AGMO: variants seen among roughly 807,000 people sequenced by gnomAD.
AGMO encodes glyceryl-ether monooxygenase.
A neutral mutation model predicts 60.2 loss-of-function variants in AGMO; 75 were observed. The ratio of observed to expected loss-of-function variants is 1.25; its 90% CI spans 1.03 to 1.51. The LOEUF (loss-of-function observed/expected upper bound fraction) is 1.51, where lower values mean the gene tolerates loss of function less well. Ranked by LOEUF, AGMO falls within the 40% of genes most tolerant of loss-of-function variation. The pLI is 0.00. For missense variants in AGMO, 763 were observed against 525.5 expected (o/e 1.45, Z -4.42); for synonymous variants, 261 against 177.1 (o/e 1.47, Z -3.76).
At chr7:15,527,076 T>TA (rs1784147556) in intron 3 of AGMO, among the ~76,000 whole-genome samples, 1 of 152,102 alleles carries the variant, frequency 6.6e-6, no homozygotes, top group Non-Finnish European at 1.5e-5. Context: ...TTAAGCCAAT[T>TA]AATAACCCTA....
At chr7:15,377,230 G>C (rs935935413) in intron 10 of AGMO, among the ~76,000 whole-genome samples, 1 of 152,056 alleles carries the variant, frequency 6.6e-6, no homozygotes, top group Non-Finnish European at 1.5e-5. Context: ...CATGTTCTCA[G>C]CAAAGAAAAA....
chr7:15,386,535 G>A (rs1031898448), intron 9 of AGMO, among the ~76,000 whole-genome samples: 1 of 152,186 alleles, frequency 6.6e-6, no homozygotes, highest in Non-Finnish European at 1.5e-5. Flanking sequence ...ACAATGAATT[G>A]TGAACATAAA....
At chr7:15,213,844 C>T (rs190759265) in intron 12 of AGMO, among the ~76,000 whole-genome samples, 1 of 152,020 alleles carries the variant, frequency 6.6e-6, no homozygotes, top group African/African-American at 2.4e-5. Context: ...GAAAATTTTG[C>T]AAAGGCAAGT....
intron 3 of AGMO, among the ~76,000 whole-genome samples, chr7:15,451,639 A>G (rs759106721): frequency 6.6e-6 from 1 of 152,154 alleles, no homozygotes; most frequent in South Asian, 2.1e-4. Context: ...TATCCTACAC[A>G]AAAATTAACT....
intron 3 of AGMO, among the ~76,000 whole-genome samples, chr7:15,466,802 A>G (rs1782304658): frequency 6.6e-6 from 1 of 152,152 alleles, no homozygotes; most frequent in Admixed American, 6.6e-5. Flanking sequence ...GCATTGGATA[A>G]ATAAAGGATA....
rs904364065 is a variant in AGMO at position 15,220,208 on chromosome 7, C to CTT, written c.1264-18851_1264-18850dup. 8.0e-3 allele frequency among the ~76,000 whole-genome samples: 879 copies of CTT among 109,474 alleles called. 37 individuals are homozygous for CTT. The highest frequency in any genetic ancestry group is 0.028 in the African/African-American group (667 of 23,996). The allele number at this position is 109,474 out of a possible 152,430, so 71.8% of individuals were successfully genotyped here. ...ATCTTATGTGTCCACCTGACTGTGC[C>CTT]TTTTTTTTTTTTTTTTTTTTTTTCC... On this transcript the variant is annotated intron_variant, in intron 12 of 12. Coordinates refer to ENST00000342526, the MANE Select transcript of AGMO (RefSeq NM_001004320.2).
chr7:15,516,635 T>C (rs1783813982), intron 3 of AGMO, among the ~76,000 whole-genome samples: 1 of 152,232 alleles, frequency 6.6e-6, no homozygotes, highest in Non-Finnish European at 1.5e-5. Context: ...AATTGTAACC[T>C]TATACATCTG....
At chr7:15,326,732 G>A (rs1781349079) in intron 12 of AGMO, among the ~76,000 whole-genome samples, 1 of 152,092 alleles carries the variant, frequency 6.6e-6, no homozygotes, top group Non-Finnish European at 1.5e-5. Context: ...AAATACAAAT[G>A]GCTAACTTGG....
chr7:15,261,357 A>C (rs1435434713), intron 12 of AGMO, among the ~76,000 whole-genome samples: 1 of 152,080 alleles, frequency 6.6e-6, no homozygotes, highest in Non-Finnish European at 1.5e-5. Flanking sequence ...AAGATTATTC[A>C]ATGCTACTAT....
rs1563104895 is a variant in AGMO at position 15,354,344 on chromosome 7, GCGTGTATATAGA to G, written c.1263+11158_1263+11169del. On this transcript the variant is annotated intron_variant, in intron 12 of 12. Coordinates refer to ENST00000342526, the MANE Select transcript of AGMO (RefSeq NM_001004320.2). ...TATATACGTACGCGTGTATATACACGCGTGTATATAGACGTGTGTATATAGACGTGTGTATAC... is the reference window on the plus strand; with the variant it reads ...TATATACGTACGCGTGTATATACACGCGTGTGTATATAGACGTGTGTATAC... 7.8e-3 allele frequency among the ~76,000 whole-genome samples: 633 copies of G among 80,682 alleles called. 130 individuals carry two copies. The highest frequency in any genetic ancestry group is 0.037 in the African/African-American group (591 of 15,776). 52.9% of individuals were successfully genotyped at this position (80,682 alleles called of 152,430 possible).
chr7:15,386,205 G>C (rs1300355673), intron 9 of AGMO, among the ~76,000 whole-genome samples: 2 of 151,968 alleles, frequency 1.3e-5, no homozygotes, highest in Non-Finnish European at 2.9e-5. Context: ...AAAAAAAGGT[G>C]ATCTTGGCAG....
intron 3 of AGMO, among the ~76,000 whole-genome samples, chr7:15,473,524 A>T (rs988780544): frequency 1.3e-5 from 2 of 152,040 alleles, no homozygotes; most frequent in East Asian, 1.9e-4. Context: ...ACTTCATGCA[A>T]AAACTCTCAA....
chr7:15,231,665 AC>A (rs1782263375), intron 12 of AGMO, among the ~76,000 whole-genome samples: 1 of 152,200 alleles, frequency 6.6e-6, no homozygotes, highest in Non-Finnish European at 1.5e-5. Context: ...AGCTAGTCAG[AC>A]CTGGGTTAAG....
At position 15,401,997 on chromosome 7, in the gene AGMO, TG is replaced by T. The variant is rs143083768; in HGVS notation, c.610-7819del. ...TGTTCCAGCGGAGCCCAGACCACTG[TG>T]GGTCTCCTTATTCACTGCCACCAGT... On this transcript the variant is annotated intron_variant, in intron 5 of 12. Coordinates refer to ENST00000342526, the MANE Select transcript of AGMO (RefSeq NM_001004320.2). 5.5e-3 allele frequency among the ~76,000 whole-genome samples: 837 copies of T among 152,182 alleles called. 7 individuals carry two copies. The highest frequency in any genetic ancestry group is 0.019 in the African/African-American group (790 of 41,548).
chr7:15,125,437 G>A, the AGMO span, among the ~76,000 whole-genome samples: 1 of 152,064 alleles, frequency 6.6e-6, no homozygotes, highest in South Asian at 2.1e-4. Flanking sequence ...AGATGTGACT[G>A]ATTTTGATAT....
intron 12 of AGMO, among the ~76,000 whole-genome samples, chr7:15,318,606 C>G (rs959341451): frequency 3.3e-5 from 5 of 152,096 alleles, no homozygotes; most frequent in African/African-American, 1.2e-4. Flanking sequence ...GGAAAATATG[C>G]AGGATCTAAT....
At position 15,488,266 on chromosome 7, in the gene AGMO, T is replaced by C. The variant is rs189766215; in HGVS notation, c.409+56506A>G. ...CTTTGGTTATTAAAAATGTTTAGAA[T>C]TGTAGTTTGTTGGCAAAATTCTTTT... On this transcript the variant is annotated intron_variant, in intron 3 of 12. Coordinates refer to ENST00000342526, the MANE Select transcript of AGMO (RefSeq NM_001004320.2). Among the ~76,000 whole-genome samples the C allele has an allele frequency of 1.3e-3, 199 of 152,332 alleles. 1 individual carries two copies. Among genetic ancestry groups the C allele is most frequent in the African/African-American group, 4.4e-3 (181 of 41,588 alleles).
At chr7:15,320,098 C>T (rs1781061782) in intron 12 of AGMO, among the ~76,000 whole-genome samples, 1 of 127,074 alleles carries the variant, frequency 7.9e-6, no homozygotes, top group Non-Finnish European at 1.6e-5. Context: ...GAACATCACA[C>T]ACTTGGGCCT....
chr7:15,378,971 C>A (rs1210607594), intron 10 of AGMO, among the ~76,000 whole-genome samples: 2 of 152,036 alleles, frequency 1.3e-5, no homozygotes, highest in Admixed American at 1.3e-4. Flanking sequence ...CAAAACCATA[C>A]AATTACATGG....
Sources: allele counts gnomAD v4.1 joint callset (sites outside exome capture counted in the v4.1 genomes callset), GRCh38; gene constraint gnomAD v4.1.1; transcripts MANE v1.5; gene names NCBI Gene and HGNC (gene_info 2026-07-23, HGNC 2026-07-21).